Variants in ZNF287 observed in about 807,000 individuals in gnomAD.
The protein encoded by ZNF287 is zinc finger protein 287.
ZNF287 carries 31 observed loss-of-function variants against 73.7 expected under a neutral mutation model. That is an observed-to-expected ratio of 0.42 (90% CI 0.32 to 0.57). ZNF287 has a LOEUF of 0.57. Ranked by LOEUF, ZNF287 falls within the 20% of genes least tolerant of loss-of-function variation. ZNF287 has a pLI of 0.13. For missense variants in ZNF287, 641 were observed against 909.3 expected (o/e 0.70, Z 3.79); for synonymous variants, 301 against 307.2 (o/e 0.98, Z 0.21).
chr17:16,550,588 G>T lies in ZNF287; in HGVS notation c.*1268C>A, dbSNP rs879434376. Among the ~76,000 whole-genome samples, 2 of 152,102 alleles carry T rather than the reference G, an allele frequency of 1.3e-5. No homozygotes were observed. Among genetic ancestry groups the T allele is most frequent in the South Asian group, 2.1e-4 (1 of 4,820 alleles). On this transcript the variant is annotated 3_prime_UTR_variant, in exon 6 of 6. Transcript: ENST00000395825. The stretch of plus-strand genomic sequence containing the variant: ...ATTTGGCAACCCATTTTAGCAGGTT[G>T]CTTATGCTCAACCCATGACAAAATA...
rs1906646532 is a variant in ZNF287 at position 16,551,420 on chromosome 17, C to T, written c.*436G>A. ...TTCAACTGAACAGAGTTTGAAAGCA[C>T]ATTATTCAGGGATGGGAAACCTGCA... On this transcript the variant is annotated 3_prime_UTR_variant, in exon 6 of 6. Transcript: ENST00000395825. 1 of 163,008 alleles carries T rather than the reference C, an allele frequency of 6.1e-6. No individual in the cohort carries two copies. The allele number at this position is 163,008 out of a possible 1,614,324, so 10.1% of individuals were successfully genotyped here.
rs907392997 is a variant in ZNF287 at position 16,547,603 on chromosome 17, A to G, written c.*4253T>C. 3.3e-5 allele frequency among the ~76,000 whole-genome samples: 5 copies of G among 152,208 alleles called. No individual in the cohort carries two copies. The highest frequency in any genetic ancestry group is 6.5e-5 in the Admixed American group (1 of 15,284). ...TGAAGAGTTGTCTTTATGAAAACCA[A>G]CTTGAATGGTTGGAAAGAATTGCCA... On this transcript the variant is annotated 3_prime_UTR_variant, in exon 6 of 6. Transcript: ENST00000395825.
chr17:16,563,245 A>G lies in ZNF287; in HGVS notation c.629-13T>C, dbSNP rs200428335. On this transcript the variant is annotated splice_polypyrimidine_tract_variant and intron_variant, in intron 4 of 5. Transcript: ENST00000395825. ...TACACTGTAAGTCCTGTTCAGGAGG[A>G]ATATAAAGAATTTTATCCTGGAGAT... 789 of 1,579,174 alleles carry G rather than the reference A, an allele frequency of 5.0e-4. 2 individuals are homozygous for G. The highest frequency in any genetic ancestry group is 1.2e-3 in the Admixed American group (66 of 54,324).
chr17:16,564,350 A>G (rs1156491823), intron 3 of ZNF287, among the ~76,000 whole-genome samples: 1 of 152,040 alleles, frequency 6.6e-6, no homozygotes, highest in African/African-American at 2.4e-5. Context: ...ACAGGCACAC[A>G]CCACCACATC....
At chr17:16,556,864 T>A (rs1381375063) in intron 5 of ZNF287, among the ~76,000 whole-genome samples, 1 of 152,070 alleles carries the variant, frequency 6.6e-6, no homozygotes, top group African/African-American at 2.4e-5. Flanking sequence ...TTTTTTTTTT[T>A]GAGATGGAGT....
At chr17:16,563,448 A>G (rs73980200) in intron 4 of ZNF287, among the ~76,000 whole-genome samples, 11,048 of 152,232 alleles carry the variant, frequency 0.073, 1,363 homozygotes, top group African/African-American at 0.25. Context: ...AGGAAGAAAC[A>G]TTCCCTTAGA....
rs376095425 is a variant in ZNF287 at position 16,553,192 on chromosome 17, T to C, written c.950A>G (p.Tyr317Cys). ...TGAATGCTTTTCAAAATTATTTCTA[T>C]ATATATCATATTTACTAAGACATTC... ...TEECLSKYDI[Y>C]RNNFEKHSNL... is the part of the protein sequence containing the mutation. The change falls in exon 6 of 6, where the codon TAT becomes TGT. Residue 317 changes from tyrosine to cysteine, a missense_variant. Physicochemically the swap from Tyr to Cys is radical, Grantham distance 194. This residue lies in a region of ZNF287 where 357 missense variants were observed against 442.4 expected (regional missense o/e 0.81). Coordinates refer to ENST00000395825, the MANE Select transcript of ZNF287 (RefSeq NM_020653.4). 6 of 1,599,628 alleles carry C rather than the reference T, an allele frequency of 3.8e-6. No individual in the cohort carries two copies. Among genetic ancestry groups the C allele is most frequent in the Admixed American group, 3.3e-5 (2 of 59,898 alleles).
rs1422688640 is a variant in ZNF287, at chr17:16,551,966, G to A, written c.2176C>T (p.His726Tyr). Residue 726 changes from histidine (H) to tyrosine (Y), a missense_variant, in exon 6 of 6, where the codon CAC becomes TAC. Coordinates refer to ENST00000395825, the MANE Select transcript of ZNF287 (RefSeq NM_020653.4). ...CATGCATAGGGTTTCTCTCCTGTGT[G>A]AATTCTCTGGTGTTGAATAAGGCAT... ...RTCLIQHQRI[H>Y]TGEKPYACRI... 1 of 1,614,110 alleles carries A rather than the reference G, an allele frequency of 6.2e-7. No individual in the cohort carries two copies. The highest frequency in any genetic ancestry group is 8.5e-7 in the Non-Finnish European group (1 of 1,180,004).
In ZNF287 at chr17:16,552,037, C is replaced by T. The variant is rs758556487; in HGVS notation, c.2105G>A (p.Arg702Lys). The change falls in exon 6 of 6, where the codon AGA (arginine) becomes AAA (lysine). Residue 702 changes from arginine (R) to lysine (K), a missense_variant. Arg to Lys is a conservative substitution (Grantham distance 26, BLOSUM62 2). Transcript: ENST00000395825. This position sits in a 1 kb window ranked among gnomAD's most constrained non-coding sequence, Gnocchi z 6.5. The stretch of plus-strand genomic sequence containing the variant: ...ATCACATTCATTACATTTATAGGGT[C>T]TCTCTCCAGTATGAGTTCTCTGATG... ...NQHQRTHTGE[R>K]PYKCNECDKD... The T allele has an allele frequency of 5.0e-6, 8 of 1,614,000 alleles. No homozygotes were observed. The highest frequency in any genetic ancestry group is 6.8e-6 in the Non-Finnish European group (8 of 1,179,958).
chr17:16,563,907 G>A (rs1003429317), intron 3 of ZNF287, 82 bp from the exon 4 acceptor site: 14 of 1,491,264 alleles, frequency 9.4e-6, no homozygotes, highest in Non-Finnish European at 1.3e-5. Flanking sequence ...ATGTATGGTG[G>A]GGGACTGTCA....
intron 5 of ZNF287, among the ~76,000 whole-genome samples, chr17:16,554,975 T>A (rs1906946525): frequency 6.6e-6 from 1 of 152,132 alleles, no homozygotes; most frequent in Non-Finnish European, 1.5e-5. Context: ...ATTGCCTTTT[T>A]TTATAGGTCA....
At position 16,548,939 on chromosome 17, in the gene ZNF287, G is replaced by GT. The variant is rs145728796; in HGVS notation, c.*2916dup. On this transcript the variant is annotated 3_prime_UTR_variant, in exon 6 of 6. Transcript: ENST00000395825. The stretch of plus-strand genomic sequence containing the variant: ...TTCAGATATTAGGGAATTACTATTT[G>GT]TTTTTTTTTTAAAGGTATGTAAATG... Among the ~76,000 whole-genome samples, 571 of 144,314 alleles carry GT rather than the reference G, an allele frequency of 4.0e-3. 5 individuals are homozygous for GT. Among genetic ancestry groups the GT allele is most frequent in the Admixed American group, 6.9e-3 (102 of 14,696 alleles). The allele number at this position is 144,314 out of a possible 152,430, so 94.7% of individuals were successfully genotyped here.
At chr17:16,563,334 A>G (rs1198622971) in intron 4 of ZNF287, 102 bp from the exon 5 acceptor site, 1 of 767,602 alleles carries the variant, frequency 1.3e-6, no homozygotes, top group Non-Finnish European at 2.1e-6. Flanking sequence ...CCTCTGTAGG[A>G]AAACAATAGT....
Position 16,568,006 on chromosome 17 carries a change from C to CT in ZNF287, c.-198-78dup, listed in dbSNP as rs1313426520. 3.3e-6 allele frequency: 4 copies of CT among 1,225,386 alleles called. No homozygotes were observed. The Admixed American group carries it at 1.6e-4, about 48-fold the overall frequency. 75.9% of individuals were successfully genotyped at this position (1,225,386 alleles called of 1,614,324 possible). A position where few individuals can be genotyped will look rare whatever the true frequency, so the allele number is the denominator to read the frequency against. ...ATACATATACACACACAGAAACAGA[C>CT]TCGCAGTGTGCATAGATGAACACAC... On this transcript the variant is annotated intron_variant, in intron 1 of 5. Transcript: ENST00000395825.
intron 5 of ZNF287, among the ~76,000 whole-genome samples, chr17:16,557,768 A>G (rs7213263): frequency 0.13 from 19,072 of 152,080 alleles, 2,429 homozygotes; most frequent in African/African-American, 0.32. Context: ...CAAGGAGAGG[A>G]GGCTGACAGG....
intron 5 of ZNF287, among the ~76,000 whole-genome samples, chr17:16,554,851 C>A (rs191408261): frequency 6.6e-6 from 1 of 152,216 alleles, no homozygotes; most frequent in East Asian, 1.9e-4. Context: ...ACCCAGTAGG[C>A]GGAGGTTGCA....
rs1486636708 is a variant in ZNF287, at chr17:16,553,209, A to C, written c.933T>G (p.Leu311=). 4.4e-6 allele frequency: 7 copies of C among 1,602,044 alleles called. No homozygotes were observed. The highest frequency in any genetic ancestry group is 2.7e-5 in the African/African-American group (2 of 74,566). The part of the protein sequence containing the change: ...SQEYDPTEEC[L]SKYDIYRNNF... ...TATTTCTATATATATCATATTTACT[A>C]AGACATTCTTCTGTAGGATCATATT... The change falls in exon 6 of 6, where the codon CTT becomes CTG. Residue 311 remains leucine, a synonymous_variant. Transcript: ENST00000395825.
intron 5 of ZNF287, 80 bp from the exon 6 acceptor site, chr17:16,553,506 T>C (rs965909873): frequency 1.7e-5 from 19 of 1,137,158 alleles, no homozygotes; most frequent in South Asian, 1.1e-4. Context: ...AGAATAAACA[T>C]AGATAAAATG....
At chr17:16,554,674 T>C (rs1481035483) in intron 5 of ZNF287, among the ~76,000 whole-genome samples, 1 of 152,244 alleles carries the variant, frequency 6.6e-6, no homozygotes, top group Admixed American at 6.5e-5. Context: ...ATCCCAGCAC[T>C]TTGGGAGGCC....
Sources: gnomAD v4.1 joint callset for allele counts (sites outside exome capture counted in the v4.1 genomes callset) on GRCh38, gnomAD v4.1.1 for gene constraint, gnomAD v4.1.1 regional missense constraint, Gnocchi (gnomAD v3.1) non-coding constraint, MANE v1.5 for transcripts, NCBI Gene and HGNC (gene_info 2026-07-23, HGNC 2026-07-21) for gene names.